FTSJ3: variants seen among roughly 807,000 people sequenced by gnomAD.
FTSJ3 encodes pre-rRNA 2'-O-ribose RNA methyltransferase FTSJ3.
A neutral mutation model predicts 111.5 loss-of-function variants in FTSJ3; 46 were observed. That is an observed-to-expected ratio of 0.41 (90% CI 0.33 to 0.53). The LOEUF is 0.53. FTSJ3 is among the 20% of genes least tolerant of loss of function. The probability of loss-of-function intolerance (pLI) is 0.19; values close to 1 mark genes in which losing one functional copy is unlikely to be tolerated. For synonymous variants in FTSJ3, 408 were observed against 383.0 expected (o/e 1.07, Z -0.76); for missense variants, 1,075 against 1,063.8 (o/e 1.01, Z -0.15).
Position 63,827,597 on chromosome 17 carries a change from C to T in FTSJ3, c.-572G>A, listed in dbSNP as rs2040124857. On this transcript the variant is annotated 5_prime_UTR_variant, in exon 1 of 21. Coordinates refer to ENST00000427159, the MANE Select transcript of FTSJ3 (RefSeq NM_017647.4). ...GATCTGAGTGGAGAGCGGGCCGGGG[C>T]AGGAGCGTCGGGTGGGTCGGAGGTG... 3.2e-6 allele frequency: 5 copies of T among 1,550,006 alleles called. No individual in the cohort carries two copies. In the South Asian group the frequency reaches 3.6e-5, roughly 11 times the overall value.
intron 19 of FTSJ3, 39 bp downstream of exon 19, chr17:63,820,216 C>T: frequency 7.3e-7 from 1 of 1,369,382 alleles, no homozygotes; most frequent in Non-Finnish European, 1.0e-6. Flanking sequence ...CATCCCCCCA[C>T]CCCCACCCCA....
intron 19 of FTSJ3, 29 bp from the exon 20 acceptor site, chr17:63,820,202 T>TGGGG: frequency 2.5e-6 from 4 of 1,593,078 alleles, no homozygotes; most frequent in Non-Finnish European, 3.4e-6. Flanking sequence ...GGTGACCTCT[T>TGGGG]CCCCATCCCC....
In FTSJ3 at chr17:63,820,255, C is replaced by T; in HGVS notation, c.2256G>A (p.Arg752=). The change falls in exon 19 of 21, where the codon AGG becomes AGA. Residue 752 remains arginine (R), a splice_region_variant and synonymous_variant. Coordinates refer to ENST00000427159, the MANE Select transcript of FTSJ3 (RefSeq NM_017647.4). ...VAEAKARKKR[R]MLKRLEQTRK... ...AATCTCTGGAGGCCCCATCACTTAC[C>T]CTCCTTTTCTTTCTAGCCTTAGCCT... 7 of 1,593,036 alleles carry T rather than the reference C, an allele frequency of 4.4e-6. No homozygotes were observed. The highest frequency in any genetic ancestry group is 6.0e-6 in the Non-Finnish European group (7 of 1,166,574).
Position 63,821,662 on chromosome 17 carries a change from A to G in FTSJ3, c.1597-19T>C, listed in dbSNP as rs775919552. On this transcript the variant is annotated intron_variant, in intron 15 of 20. Coordinates refer to ENST00000427159, the MANE Select transcript of FTSJ3 (RefSeq NM_017647.4). Reference sequence around the variant, plus strand: ...AGCTGCCCTGTGATAGGAGAACATCAGCTGCCCTTCTCCCAAGGAAGACTC... The same window carrying G: ...AGCTGCCCTGTGATAGGAGAACATCGGCTGCCCTTCTCCCAAGGAAGACTC... 1 of 1,613,660 alleles carries G rather than the reference A, an allele frequency of 6.2e-7. No homozygotes were observed. Among genetic ancestry groups the G allele is most frequent in the Non-Finnish European group, 8.5e-7 (1 of 1,179,646 alleles).
chr17:63,821,169 GCACTCCCA>G, intron 16 of FTSJ3, 54 bp from the exon 17 acceptor site: 1 of 1,584,164 alleles, frequency 6.3e-7, no homozygotes, highest in South Asian at 1.1e-5. Context: ...TACTCAGACC[GCACTCCCA>G]CGGAATTTGC....
intron 10 of FTSJ3, 84 bp downstream of exon 10, chr17:63,824,553 C>A (rs2040080128): frequency 1.4e-5 from 20 of 1,425,502 alleles, no homozygotes. Flanking sequence ...TTTAGCACAG[C>A]AATATCCTCT....
intron 11 of FTSJ3, 29 bp from the exon 12 acceptor site, chr17:63,824,268 A>T (rs747061307): frequency 6.2e-7 from 1 of 1,613,776 alleles, no homozygotes; most frequent in South Asian, 1.1e-5. Flanking sequence ...GAGTTGGGTT[A>T]TTTTCCCAGA....
rs906823124 is a variant in FTSJ3 at position 63,819,524 on chromosome 17, A to T, written c.*278T>A. The T allele has an allele frequency of 2.6e-6, 1 of 382,752 alleles. No homozygotes were observed. Among genetic ancestry groups the T allele is most frequent in the African/African-American group, 2.0e-5 (1 of 49,888 alleles). 23.7% of individuals were successfully genotyped at this position (382,752 alleles called of 1,614,324 possible). On this transcript the variant is annotated 3_prime_UTR_variant, in exon 21 of 21. Transcript: ENST00000427159. Reference sequence around the variant, plus strand: ...CAGGTGTAGACTGACTACATTGAGTATCGCTCCAACACCGAACTTCCCTTT... The same window carrying T: ...CAGGTGTAGACTGACTACATTGAGTTTCGCTCCAACACCGAACTTCCCTTT...
intron 8 of FTSJ3, 47 bp from the exon 9 acceptor site, chr17:63,824,976 C>A (rs773701481): frequency 6.3e-7 from 1 of 1,582,254 alleles, no homozygotes; most frequent in Non-Finnish European, 8.7e-7. Flanking sequence ...TCTAAGGTAC[C>A]TGTAGGACCC....
chr17:63,821,650 T>C lies in FTSJ3; in HGVS notation c.1597-7A>G, dbSNP rs1318054569. On this transcript the variant is annotated splice_region_variant and splice_polypyrimidine_tract_variant and intron_variant, in intron 15 of 20. Transcript: ENST00000427159. ...CGATCCCAGCAAAGCTGCCCTGTGATAGGAGAACATCAGCTGCCCTTCTCC... is the reference window on the plus strand; with the variant it reads ...CGATCCCAGCAAAGCTGCCCTGTGACAGGAGAACATCAGCTGCCCTTCTCC... The C allele has an allele frequency of 6.2e-6, 10 of 1,613,396 alleles. No homozygotes were observed. The highest frequency in any genetic ancestry group is 4.0e-5 in the African/African-American group (3 of 74,904).
Position 63,821,738 on chromosome 17 carries a change from G to T in FTSJ3, c.1581C>A (p.Asn527Lys). The T allele has an allele frequency of 6.2e-7, 1 of 1,614,178 alleles. No individual in the cohort carries two copies. ...EKAVLQEEQANLWFSKGSFAG... is the reference protein window; with the variant it reads ...EKAVLQEEQAKLWFSKGSFAG... ...CTCTCCTTACCTTTGAGAACCACAGGTTGGCTTGTTCTTCCTGCAGTACTG... is the reference window on the plus strand; with the variant it reads ...CTCTCCTTACCTTTGAGAACCACAGTTTGGCTTGTTCTTCCTGCAGTACTG... Residue 527 changes from asparagine (N) to lysine (K), a missense_variant, in exon 15 of 21, where the codon AAC (asparagine) becomes AAA (lysine). Asn to Lys is a moderately conservative substitution (Grantham distance 94, BLOSUM62 0). Coordinates refer to ENST00000427159, the MANE Select transcript of FTSJ3 (RefSeq NM_017647.4).
At position 63,827,378 on chromosome 17, in the gene FTSJ3, C is replaced by T. The variant is rs930847618; in HGVS notation, c.-353G>A. On this transcript the variant is annotated 5_prime_UTR_variant, in exon 1 of 21. Transcript: ENST00000427159. The stretch of plus-strand genomic sequence containing the variant: ...CCTTAGTGTGGTCTCGCCGCACACC[C>T]CGCCCATTGACCCGGAATTCTTCTC... 169 of 1,461,806 alleles carry T rather than the reference C, an allele frequency of 1.2e-4. 1 individual carries two copies. In the Middle Eastern group the frequency reaches 1.2e-3, roughly 10 times the overall value. The allele number at this position is 1,461,806 out of a possible 1,614,324, so 90.6% of individuals were successfully genotyped here. A position where few individuals can be genotyped will look rare whatever the true frequency, so the allele number is the denominator to read the frequency against.
rs2040098584 is a variant in FTSJ3, at chr17:63,826,051, A to G, written c.300+5T>C. On this transcript the variant is annotated splice_donor_5th_base_variant and intron_variant, in intron 5 of 20. Transcript: ENST00000427159. Reference sequence around the variant, plus strand: ...AGGGGGAAGGAAGAGAGAGACTCCTATTACCTGCCTACAACGTTCTGTTGT... The same window carrying G: ...AGGGGGAAGGAAGAGAGAGACTCCTGTTACCTGCCTACAACGTTCTGTTGT... 7 of 1,604,608 alleles carry G rather than the reference A, an allele frequency of 4.4e-6. No individual in the cohort carries two copies. Among genetic ancestry groups the G allele is most frequent in the Non-Finnish European group, 6.0e-6 (7 of 1,172,300 alleles).
chr17:63,827,031 G>A (rs561471320), intron 1 of FTSJ3, 21 bp downstream of exon 1: 3 of 822,116 alleles, frequency 3.6e-6, no homozygotes, highest in East Asian at 5.0e-5. Context: ...ATTCCACCCC[G>A]CGCCCCTCTC....
intron 3 of FTSJ3, 35 bp from the exon 4 acceptor site, chr17:63,826,339 C>G: frequency 6.2e-7 from 1 of 1,605,170 alleles, no homozygotes; most frequent in Non-Finnish European, 8.5e-7. Flanking sequence ...AACCTAGAGC[C>G]ATCCTTTTCC....
rs775806167 is a variant in FTSJ3, at chr17:63,821,043, A to G, written c.1959T>C (p.Pro653=). 2 of 1,614,066 alleles carry G rather than the reference A, an allele frequency of 1.2e-6. No individual in the cohort carries two copies. The highest frequency in any genetic ancestry group is 3.3e-5 in the Admixed American group (2 of 60,026). The change falls in exon 17 of 21, where the codon CCT becomes CCC. Residue 653 remains proline (P), a synonymous_variant. Transcript: ENST00000427159. ...CAGAGCTCTCACCTGGGTCCTCAAT[A>G]GGCACTATCTCAAACCCGTCATCAT... ...KSDDDGFEIV[P]IEDPAKHRIL... is the part of the protein sequence containing the mutation.
chr17:63,827,583 AGAGCGGGCCGGGGCAG>A lies in FTSJ3; in HGVS notation c.-574_-559del, dbSNP rs1218975393. 1 of 1,550,326 alleles carries A rather than the reference AGAGCGGGCCGGGGCAG, an allele frequency of 6.5e-7. No individual in the cohort carries two copies. The highest frequency in any genetic ancestry group is 1.4e-5 in the African/African-American group (1 of 72,792). On this transcript the variant is annotated 5_prime_UTR_variant, in exon 1 of 21. An upstream open reading frame in the 5' UTR loses its in-frame stop. Coordinates refer to ENST00000427159, the MANE Select transcript of FTSJ3 (RefSeq NM_017647.4). ...TGCGGAGCGAGCGTGATCTGAGTGG[AGAGCGGGCCGGGGCAG>A]GAGCGTCGGGTGGGTCGGAGGTGCC... is the stretch of plus-strand genomic sequence containing the variant.
At chr17:63,821,246 T>C in intron 16 of FTSJ3, 108 bp downstream of exon 16, 1 of 1,502,778 alleles carries the variant, frequency 6.7e-7, no homozygotes, top group East Asian at 2.3e-5. Context: ...GTCAGTACAG[T>C]ATTTTTAACC....
Position 63,827,506 on chromosome 17 carries a change from C to A in FTSJ3, c.-481G>T. ...AAGAGAGAAGATGGCGCTTGACGGACCAGAGCAGGTATGGCGGGTGCAGTG... is the reference window on the plus strand; with the variant it reads ...AAGAGAGAAGATGGCGCTTGACGGAACAGAGCAGGTATGGCGGGTGCAGTG... On this transcript the variant is annotated 5_prime_UTR_variant, in exon 1 of 21. Transcript: ENST00000427159. 1.3e-6 allele frequency: 2 copies of A among 1,551,760 alleles called. No homozygotes were observed. Among genetic ancestry groups the A allele is most frequent in the Non-Finnish European group, 1.7e-6 (2 of 1,147,010 alleles).
Sources: gnomAD v4.1 joint callset for allele counts on GRCh38, gnomAD v4.1.1 for gene constraint, MANE v1.5 for transcripts, NCBI Gene and HGNC (gene_info 2026-07-23, HGNC 2026-07-21) for gene names.